CCNF: variants seen among roughly 807,000 people sequenced by gnomAD.
CCNF encodes cyclin-F.
In CCNF, 30 loss-of-function variants were observed where a neutral mutation model predicts 85.4. The ratio of observed to expected loss-of-function variants is 0.35; its 90% CI spans 0.26 to 0.48. The LOEUF (loss-of-function observed/expected upper bound fraction) is 0.48. Among genes scored for constraint, CCNF ranks in the 20% least tolerant of loss-of-function variants. The pLI is 0.99. For synonymous variants in CCNF, 439 were observed against 425.1 expected, an observed-to-expected ratio of 1.03 and a Z score of -0.40; for missense variants, 919 against 1,010.4, an observed-to-expected ratio of 0.91 and a Z score of 1.23.
rs373935407 is a variant in CCNF, at chr16:2,449,425, C to T, written c.1362C>T (p.Ala454=). ...CCTACGCCCCAGCCCGCCTGGCTGCCGCAGCCCTGCTCCTGGCCAGACTGA... is the reference window on the plus strand; with the variant it reads ...CCTACGCCCCAGCCCGCCTGGCTGCTGCAGCCCTGCTCCTGGCCAGACTGA... ...LSAYAPARLA[A]AALLLARLTH... Residue 454 remains alanine (A), a synonymous_variant, in exon 12 of 17, where the codon GCC becomes GCT. Coordinates refer to ENST00000397066, the MANE Select transcript of CCNF (RefSeq NM_001761.3). 9.3e-6 allele frequency: 15 copies of T among 1,609,080 alleles called. No individual in the cohort carries two copies. The highest frequency in any genetic ancestry group is 5.0e-5 in the Admixed American group (3 of 59,988).
intron 8 of CCNF, among the ~76,000 whole-genome samples, chr16:2,441,214 C>T (rs765072519): frequency 5.3e-5 from 8 of 151,352 alleles, no homozygotes; most frequent in Non-Finnish European, 8.8e-5. Context: ...AGCCTGGCAA[C>T]AGAGCGATAC....
chr16:2,449,042 G>GGGGGGCCCC, intron 11 of CCNF, 64 bp downstream of exon 11: 1 of 683,618 alleles, frequency 1.5e-6, no homozygotes, highest in Non-Finnish European at 2.7e-6. Flanking sequence ...GTGGGGGTGG[G>GGGGGGCCCC]CATTCAGCTT....
Position 2,443,750 on chromosome 16 carries a change from C to T in CCNF, c.879C>T (p.Val293=). ...VCQLFQASQA[V]SKQQVFSVQK... ...AGCTATTTCAGGCTTCCCAGGCTGT[C>T]AGTAAACAACAAGTCTTCTCCGTGC... The change falls in exon 9 of 17, where the codon GTC becomes GTT. Residue 293 remains valine (V), a synonymous_variant. Transcript: ENST00000397066. The T allele has an allele frequency of 6.2e-7, 1 of 1,614,132 alleles. No homozygotes were observed. The highest frequency in any genetic ancestry group is 8.5e-7 in the Non-Finnish European group (1 of 1,179,992).
At chr16:2,437,424 T>A in intron 5 of CCNF, 102 bp downstream of exon 5, 1 of 810,280 alleles carries the variant, frequency 1.2e-6, no homozygotes. Flanking sequence ...GTCAGGAGCC[T>A]AAGGGAAGTG....
chr16:2,454,121 A>T (rs28642228), intron 15 of CCNF, among the ~76,000 whole-genome samples: 3 of 152,278 alleles, frequency 2.0e-5, no homozygotes, highest in Middle Eastern at 3.4e-3. Context: ...CATGTGCACC[A>T]GTAACCTTCC....
Position 2,438,825 on chromosome 16 carries a change from C to A in CCNF, c.595-528C>A, listed in dbSNP as rs565356514. Among the ~76,000 whole-genome samples, 58 of 151,438 alleles carry A rather than the reference C, an allele frequency of 3.8e-4. 2 individuals carry two copies. The South Asian group carries it at 0.012, about 31-fold the overall frequency. On this transcript the variant is annotated intron_variant, in intron 6 of 16. Transcript: ENST00000397066. Reference sequence around the variant, plus strand: ...CAACCTGGCCAATGTGTTGAAACCACGTCTTTACTAAAAAACACAAAAATT... The same window carrying A: ...CAACCTGGCCAATGTGTTGAAACCAAGTCTTTACTAAAAAACACAAAAATT...
chr16:2,444,136 G>A (rs2065348113), intron 9 of CCNF, among the ~76,000 whole-genome samples: 1 of 151,952 alleles, frequency 6.6e-6, no homozygotes, highest in African/African-American at 2.4e-5. Context: ...AGCCAGGATG[G>A]TCTCAATCTC....
At chr16:2,454,360 C>T (rs540551199) in intron 15 of CCNF, among the ~76,000 whole-genome samples, 2 of 152,178 alleles carry the variant, frequency 1.3e-5, no homozygotes, top group Admixed American at 6.5e-5. Context: ...ACTCCACACA[C>T]GCACCGACTC....
At chr16:2,440,067 CA>C (rs1289093848) in intron 8 of CCNF, among the ~76,000 whole-genome samples, 2 of 152,216 alleles carry the variant, frequency 1.3e-5, no homozygotes, top group African/African-American at 4.8e-5. Context: ...GCCTCTCAGC[CA>C]GCCAACCTCT....
rs2065434899 is a variant in CCNF at position 2,457,272 on chromosome 16, G to C, written c.*252G>C. 2.3e-6 allele frequency: 1 copy of C among 439,058 alleles called. No homozygotes were observed. Among genetic ancestry groups the C allele is most frequent in the Non-Finnish European group, 4.1e-6 (1 of 245,746 alleles). The allele number at this position is 439,058 out of a possible 1,614,324, so 27.2% of individuals were successfully genotyped here. A position where few individuals can be genotyped will look rare whatever the true frequency, so the allele number is the denominator to read the frequency against. ...TGGAAGCAGTTGGCCACACTGTGTGGAGGGCACCTCTCTGTCCCTTCCGTG... is the reference window on the plus strand; with the variant it reads ...TGGAAGCAGTTGGCCACACTGTGTGCAGGGCACCTCTCTGTCCCTTCCGTG... On this transcript the variant is annotated 3_prime_UTR_variant, in exon 17 of 17. Transcript: ENST00000397066.
intron 3 of CCNF, 141 bp downstream of exon 3, chr16:2,433,208 T>C: frequency 1.7e-6 from 1 of 597,402 alleles, no homozygotes; most frequent in South Asian, 2.0e-5. Context: ...GGGGAGTGAC[T>C]GAGGGTGGCA....
chr16:2,448,837 C>T lies in CCNF; in HGVS notation c.1095-18C>T. 6.2e-7 allele frequency: 1 copy of T among 1,612,342 alleles called. No homozygotes were observed. On this transcript the variant is annotated intron_variant, in intron 10 of 16. Coordinates refer to ENST00000397066, the MANE Select transcript of CCNF (RefSeq NM_001761.3). The stretch of plus-strand genomic sequence containing the variant: ...CAGGAAGTGGGCTCCACCCTGAGAC[C>T]CCTTCTCGGCGTTGCAGGTTTATCA...
intron 8 of CCNF, among the ~76,000 whole-genome samples, chr16:2,441,674 G>A (rs1436418559): frequency 5.3e-5 from 8 of 151,600 alleles, no homozygotes; most frequent in East Asian, 2.0e-4. Flanking sequence ...CTGCCACCAC[G>A]CCCAGCTAAT....
At position 2,441,937 on chromosome 16, in the gene CCNF, TTATATATATATATATATATATA is replaced by T. The variant is rs55737759; in HGVS notation, c.778-1688_778-1667del. Among the ~76,000 whole-genome samples the T allele has an allele frequency of 3.3e-3, 201 of 60,150 alleles. 4 individuals are homozygous for T. In the East Asian group the frequency reaches 0.038, roughly 11 times the overall value. 39.5% of individuals were successfully genotyped at this position (60,150 alleles called of 152,430 possible). On this transcript the variant is annotated intron_variant, in intron 8 of 16. Coordinates refer to ENST00000397066, the MANE Select transcript of CCNF (RefSeq NM_001761.3). ...ATTTTGGGCTCATGATATTAGCAAA[TTATATATATATATATATATATA>T]TATATATATATATATATATATATGT...
chr16:2,439,860 G>C (rs1291614236), intron 8 of CCNF, 34 bp downstream of exon 8: 1 of 1,581,442 alleles, frequency 6.3e-7, no homozygotes, highest in Admixed American at 1.7e-5. Context: ...GTGGGGAGCT[G>C]GCCTTTCTCC....
intron 3 of CCNF, among the ~76,000 whole-genome samples, chr16:2,435,576 C>T (rs12933758): frequency 0.76 from 113,328 of 149,590 alleles, 43,906 homozygotes; most frequent in African/African-American, 0.92. Context: ...CAGAGCAAGA[C>T]CCTGTCTCAG....
At chr16:2,445,742 T>TTTC (rs1555497788) in intron 10 of CCNF, 120 bp downstream of exon 10, 44 of 1,008,022 alleles carry the variant, frequency 4.4e-5, no homozygotes, top group East Asian at 1.6e-4. Context: ...TTTTTTTTTT[T>TTTC]CCCGAGACCA....
At position 2,453,328 on chromosome 16, in the gene CCNF, C is replaced by T. The variant is rs760898059; in HGVS notation, c.1587+19C>T. ...GGAAGAGGTGCCTCCCTCCCGCCACCTGGGCGTCTCATGGGGTGCTGGGGT... is the reference window on the plus strand; with the variant it reads ...GGAAGAGGTGCCTCCCTCCCGCCACTTGGGCGTCTCATGGGGTGCTGGGGT... On this transcript the variant is annotated intron_variant, in intron 14 of 16. Transcript: ENST00000397066. The surrounding 1 kb of genome is among the most constrained non-coding windows in gnomAD (Gnocchi z 5.6). 2.5e-6 allele frequency: 4 copies of T among 1,613,868 alleles called. No homozygotes were observed. Among genetic ancestry groups the T allele is most frequent in the East Asian group, 4.5e-5 (2 of 44,886 alleles).
Position 2,434,850 on chromosome 16 carries a change from T to C in CCNF, c.279-956T>C, listed in dbSNP as rs564864621. Among the ~76,000 whole-genome samples the C allele has an allele frequency of 4.6e-5, 7 of 152,362 alleles. No individual in the cohort carries two copies. The South Asian group carries it at 1.4e-3, about 32-fold the overall frequency. ...CCTTTTGTGAGGATTTCACATGGAA[T>C]CATGCAACACGTGGTCTTTCGTGGC... On this transcript the variant is annotated intron_variant, in intron 3 of 16. Coordinates refer to ENST00000397066, the MANE Select transcript of CCNF (RefSeq NM_001761.3).
Sources: gnomAD v4.1 joint callset for allele counts (sites outside exome capture counted in the v4.1 genomes callset) on GRCh38, gnomAD v4.1.1 for gene constraint, Gnocchi (gnomAD v3.1) non-coding constraint, MANE v1.5 for transcripts, NCBI Gene and HGNC (gene_info 2026-07-23, HGNC 2026-07-21) for gene names.